Variants in SMIM35 observed in about 807,000 individuals in gnomAD.
SMIM35 encodes TMPRSS4 antisense RNA 1 (non-protein coding).
intron 1 of SMIM35, among the ~76,000 whole-genome samples, chr11:118,021,085 A>C (rs1323301377): frequency 6.9e-6 from 1 of 145,250 alleles, no homozygotes; most frequent in Non-Finnish European, 1.5e-5. Context: ...GACATGAGTT[A>C]TAGAATTATG....
At chr11:118,016,216 C>A (rs56118320) in intron 1 of SMIM35, among the ~76,000 whole-genome samples, 14,546 of 152,176 alleles carry the variant, frequency 0.096, 963 homozygotes, top group East Asian at 0.37. Flanking sequence ...TCCCCCCACC[C>A]CTTTGCAAAG....
chr11:118,076,815 A>C (rs1183827336), intron 1 of SMIM35, among the ~76,000 whole-genome samples: 1 of 152,068 alleles, frequency 6.6e-6, no homozygotes, highest in African/African-American at 2.4e-5. Context: ...GAAGTCATGC[A>C]CCTAGAAGGT....
At chr11:118,067,462 G>A (rs73015719) in intron 1 of SMIM35, 34,863 of 151,956 alleles carry the variant, frequency 0.23, 4,860 homozygotes, top group Non-Finnish European at 0.31. Flanking sequence ...CAAAACTCCC[G>A]TGCTGATCAG....
chr11:118,012,279 T>C (rs557619467), intron 4 of SMIM35, among the ~76,000 whole-genome samples: 1 of 152,274 alleles, frequency 6.6e-6, no homozygotes, highest in South Asian at 2.1e-4. Flanking sequence ...AAGTCTGCAC[T>C]AAGCACCTTC....
intron 1 of SMIM35, among the ~76,000 whole-genome samples, chr11:118,024,361 A>C (rs966875973): frequency 1.3e-5 from 2 of 152,160 alleles, no homozygotes; most frequent in Admixed American, 6.5e-5. Context: ...TAACTAAACC[A>C]TATGTATAGG....
chr11:118,029,410 T>C (rs1376429230), intron 1 of SMIM35, among the ~76,000 whole-genome samples: 2 of 152,204 alleles, frequency 1.3e-5, no homozygotes, highest in African/African-American at 4.8e-5. Flanking sequence ...AGTTAAAGTG[T>C]TGTTCCAGTT....
chr11:118,077,919 A>G (rs1416558104), intron 1 of SMIM35, among the ~76,000 whole-genome samples: 1 of 147,040 alleles, frequency 6.8e-6, no homozygotes, highest in East Asian at 2.2e-4. Context: ...AGGCTGAGGC[A>G]GGAGAATCGC....
intron 1 of SMIM35, among the ~76,000 whole-genome samples, chr11:118,053,984 TTTG>T (rs1290242644): frequency 6.6e-6 from 1 of 152,204 alleles, no homozygotes; most frequent in Non-Finnish European, 1.5e-5. Context: ...AGGATCGTTT[TTTG>T]TTGTTTTTTT....
At chr11:118,051,189 C>T (rs1444361472) in intron 1 of SMIM35, among the ~76,000 whole-genome samples, 1 of 152,226 alleles carries the variant, frequency 6.6e-6, no homozygotes, top group African/African-American at 2.4e-5. Context: ...CAGTTTTGTA[C>T]AGACGATGCT....
At chr11:118,056,067 G>A (rs1412837163) in intron 1 of SMIM35, among the ~76,000 whole-genome samples, 6 of 152,198 alleles carry the variant, frequency 3.9e-5, no homozygotes, top group African/African-American at 1.2e-4. Flanking sequence ...GAGAGATCAC[G>A]GTTCCCTTAA....
chr11:118,078,013 C>CAAAAAAAAAAAAA (rs148383275), intron 1 of SMIM35, among the ~76,000 whole-genome samples: 3 of 71,050 alleles, frequency 4.2e-5, no homozygotes, highest in African/African-American at 5.5e-5. Context: ...AACTCCGTCT[C>CAAAAAAAAAAAAA]AAAAAAAAAA....
At chr11:118,031,108 T>C (rs1490874434) in intron 1 of SMIM35, among the ~76,000 whole-genome samples, 3 of 151,970 alleles carry the variant, frequency 2.0e-5, no homozygotes, top group Non-Finnish European at 4.4e-5. Context: ...GAAAAAAGAG[T>C]TACAAATACA....
At chr11:118,046,162 C>T (rs1944094543) in intron 1 of SMIM35, among the ~76,000 whole-genome samples, 2 of 151,618 alleles carry the variant, frequency 1.3e-5, no homozygotes, top group Non-Finnish European at 2.9e-5. Flanking sequence ...CAGTTAGGCA[C>T]CAAGTACCCA....
intron 1 of SMIM35, among the ~76,000 whole-genome samples, chr11:118,073,422 G>C (rs1450273584): frequency 6.6e-6 from 1 of 152,250 alleles, no homozygotes; most frequent in East Asian, 1.9e-4. Flanking sequence ...TGACCAGGGA[G>C]GATTCAGGTT....
rs2058214118 is a variant in SMIM35, at chr11:118,020,054, G to A, written c.8-4245C>T. Among the ~76,000 whole-genome samples, 3 of 152,278 alleles carry A rather than the reference G, an allele frequency of 2.0e-5. No individual in the cohort carries two copies. The South Asian group carries it at 6.2e-4, about 32-fold the overall frequency. ...AAGGTTGTCGGATCAACTGAGGTCA[G>A]GAGTTCAAGACGACCAGCCTGGTCA... is the stretch of plus-strand genomic sequence containing the variant. On this transcript the variant is annotated intron_variant, in intron 1 of 4. Coordinates refer to ENST00000689828, the MANE Select transcript of SMIM35 (RefSeq NM_001394165.1).
At chr11:118,034,089 G>C (rs1177881368) in intron 1 of SMIM35, among the ~76,000 whole-genome samples, 1 of 150,614 alleles carries the variant, frequency 6.6e-6, no homozygotes, top group African/African-American at 2.4e-5. Flanking sequence ...CCAACATGGT[G>C]AAACCCCATC....
intron 1 of SMIM35, among the ~76,000 whole-genome samples, chr11:118,029,317 A>G (rs749005476): frequency 6.6e-6 from 1 of 152,218 alleles, no homozygotes; most frequent in Non-Finnish European, 1.5e-5. Flanking sequence ...GTAGCTAGGC[A>G]TGGTGGCACA....
chr11:118,066,326 G>A (rs1359190533), intron 1 of SMIM35, among the ~76,000 whole-genome samples: 3 of 152,010 alleles, frequency 2.0e-5, no homozygotes, highest in African/African-American at 7.3e-5. Flanking sequence ...GCCCTACCCT[G>A]GGTTTGGGAT....
intron 1 of SMIM35, among the ~76,000 whole-genome samples, chr11:118,054,994 A>G (rs1216590025): frequency 6.6e-6 from 1 of 152,026 alleles, no homozygotes; most frequent in Non-Finnish European, 1.5e-5. Flanking sequence ...TGGTAGAGGC[A>G]GGATTTCACC....
Sources: gnomAD v4.1 joint callset for allele counts (sites outside exome capture counted in the v4.1 genomes callset) on GRCh38, gnomAD v4.1.1 for gene constraint, MANE v1.5 for transcripts, NCBI Gene and HGNC (gene_info 2026-07-23, HGNC 2026-07-21) for gene names.